CMIP: variants seen among roughly 807,000 people sequenced by gnomAD.
CMIP encodes c-Maf inducing protein.
Under a neutral mutation model 97.3 loss-of-function variants are expected in CMIP, and 13 were observed. The ratio of observed to expected loss-of-function variants is 0.13; its 90% CI spans 0.09 to 0.21. The LOEUF is 0.21. CMIP is among the 10% of genes least tolerant of loss of function. The pLI is 1.00. For synonymous variants in CMIP, 538 were observed against 436.3 expected (o/e 1.23, Z -2.91); for missense variants, 847 against 1,024.9 (o/e 0.83, Z 2.37).
At chr16:81,450,341 TC>T (rs1355390876) in intron 1 of CMIP, among the ~76,000 whole-genome samples, 1 of 152,194 alleles carries the variant, frequency 6.6e-6, no homozygotes, top group Non-Finnish European at 1.5e-5. Context: ...GGTTTTGCGT[TC>T]TCATGGCGCT....
intron 1 of CMIP, among the ~76,000 whole-genome samples, chr16:81,600,706 G>T (rs2150932448): frequency 6.6e-6 from 1 of 152,302 alleles, no homozygotes; most frequent in East Asian, 1.9e-4. Context: ...CCCGTGAATT[G>T]TACATCTTAA....
At chr16:81,594,004 T>C (rs1597126085) in intron 1 of CMIP, among the ~76,000 whole-genome samples, 1 of 48,958 alleles carries the variant, frequency 2.0e-5, no homozygotes, top group African/African-American at 8.8e-5. Flanking sequence ...TCCCCCTCTT[T>C]CCTCCTCTTC....
intron 16 of CMIP, 137 bp downstream of exon 16, chr16:81,701,937 T>G: frequency 9.8e-7 from 1 of 1,016,630 alleles, no homozygotes; most frequent in Non-Finnish European, 1.4e-6. Context: ...CAGAAATTGG[T>G]ATTACCACCT....
At chr16:81,667,799 A>AGAGAGAGAGTGT in intron 7 of CMIP, among the ~76,000 whole-genome samples, 70 of 58,134 alleles carry the variant, frequency 1.2e-3, no homozygotes, top group Middle Eastern at 0.012. Context: ...AGAGAGAGAG[A>AGAGAGAGAGTGT]GTGTGTGTGT....
chr16:81,704,092 C>A lies in CMIP; in HGVS notation c.2091+7C>A. The A allele has an allele frequency of 6.2e-7, 1 of 1,600,730 alleles. No homozygotes were observed. Among genetic ancestry groups the A allele is most frequent in the Non-Finnish European group, 8.5e-7 (1 of 1,175,270 alleles). The stretch of plus-strand genomic sequence containing the variant: ...GAACCTGTGGTCCACTCAGGTACGT[C>A]CTCCCGCCCTGCTGCAGTCCCCCAC... On this transcript the variant is annotated splice_region_variant and intron_variant, in intron 18 of 20. Transcript: ENST00000537098.
intron 1 of CMIP, among the ~76,000 whole-genome samples, chr16:81,526,321 C>A (rs1021027441): frequency 1.3e-5 from 2 of 152,196 alleles, no homozygotes. Flanking sequence ...CAACCTGTAA[C>A]TGAAATTTAG....
chr16:81,645,307 G>A lies in CMIP; in HGVS notation c.478-6896G>A, dbSNP rs563430207. The A allele has an allele frequency of 2.1e-5, 26 of 1,225,402 alleles. No individual in the cohort carries two copies. The African/African-American group carries it at 2.3e-4, about 11-fold the overall frequency. 75.9% of individuals were successfully genotyped at this position (1,225,402 alleles called of 1,614,324 possible). A position where few individuals can be genotyped will look rare whatever the true frequency, so the allele number is the denominator to read the frequency against. ...ACTCTGCAGTGCCATGGGCGCGCCCGTGCAGCGTCCTCTCTTCACGACAGG... is the reference window on the plus strand; with the variant it reads ...ACTCTGCAGTGCCATGGGCGCGCCCATGCAGCGTCCTCTCTTCACGACAGG... On this transcript the variant is annotated intron_variant, in intron 3 of 20. Transcript: ENST00000537098.
At chr16:81,689,856 T>G (rs1905851093) in intron 10 of CMIP, among the ~76,000 whole-genome samples, 1 of 152,250 alleles carries the variant, frequency 6.6e-6, no homozygotes, top group African/African-American at 2.4e-5. Context: ...GGGATCCAGT[T>G]TCAGCTTTCT....
intron 1 of CMIP, among the ~76,000 whole-genome samples, chr16:81,530,588 G>A (rs774679992): frequency 6.6e-6 from 1 of 152,046 alleles, no homozygotes; most frequent in Non-Finnish European, 1.5e-5. Flanking sequence ...AAAAGCCTGC[G>A]CCTTTATTCA....
At chr16:81,543,373 C>A (rs778088908) in intron 1 of CMIP, among the ~76,000 whole-genome samples, 1 of 152,144 alleles carries the variant, frequency 6.6e-6, no homozygotes, top group Non-Finnish European at 1.5e-5. Context: ...ACAATCATAC[C>A]CACCCCTGTA....
intron 1 of CMIP, among the ~76,000 whole-genome samples, chr16:81,485,626 T>C (rs972311940): frequency 3.3e-5 from 5 of 152,246 alleles, no homozygotes; most frequent in Non-Finnish European, 7.3e-5. Flanking sequence ...TTTAGCTGTA[T>C]GTTTACGCAG....
chr16:81,545,615 A>G (rs930745637), intron 1 of CMIP, among the ~76,000 whole-genome samples: 3 of 152,156 alleles, frequency 2.0e-5, no homozygotes, highest in Non-Finnish European at 2.9e-5. Context: ...CTTGGTCCAG[A>G]CCACACAGCA....
rs1297433373 is a variant in CMIP, at chr16:81,709,949, G to T, written c.*150G>T. 1.7e-6 allele frequency: 1 copy of T among 603,888 alleles called. No individual in the cohort carries two copies. The highest frequency in any genetic ancestry group is 3.0e-6 in the Non-Finnish European group (1 of 337,832). 37.4% of individuals were successfully genotyped at this position (603,888 alleles called of 1,614,324 possible). A position where few individuals can be genotyped will look rare whatever the true frequency, so the allele number is the denominator to read the frequency against. On this transcript the variant is annotated 3_prime_UTR_variant, in exon 21 of 21. Transcript: ENST00000537098. ...TTTCTGGGGGCGGAGGGGGGAGGGG[G>T]TGGGGAGGGGGCCCACAAGCACGCC... is the stretch of plus-strand genomic sequence containing the variant.
chr16:81,696,774 C>T (rs1906775714), intron 14 of CMIP, 107 bp downstream of exon 14: 2 of 1,033,258 alleles, frequency 1.9e-6, no homozygotes, highest in African/African-American at 1.6e-5. Flanking sequence ...CCCGGAGTTT[C>T]CCGGCTAACA....
chr16:81,603,192 T>A (rs1317294431), intron 1 of CMIP, among the ~76,000 whole-genome samples: 4 of 152,026 alleles, frequency 2.6e-5, no homozygotes, highest in South Asian at 2.1e-4. Context: ...CCATTCTCCT[T>A]CCTCAGCCTC....
At chr16:81,477,487 C>T (rs1907999291) in intron 1 of CMIP, among the ~76,000 whole-genome samples, 1 of 152,192 alleles carries the variant, frequency 6.6e-6, no homozygotes, top group Non-Finnish European at 1.5e-5. Context: ...AGATACAGGG[C>T]AGGGTATGGA....
Position 81,621,136 on chromosome 16 carries a change from G to A in CMIP, c.477+210G>A, listed in dbSNP as rs1043442070. On this transcript the variant is annotated intron_variant, in intron 3 of 20. Coordinates refer to ENST00000537098, the MANE Select transcript of CMIP (RefSeq NM_198390.3). The surrounding 1 kb of genome is among the most constrained non-coding windows in gnomAD (Gnocchi z 4.1). ...CCTGCAGTGCTGAAATAGCATTCTCGCCCTGGTGTTCTCAAACCCTATAGC... is the reference window on the plus strand; with the variant it reads ...CCTGCAGTGCTGAAATAGCATTCTCACCCTGGTGTTCTCAAACCCTATAGC... 6.2e-5 allele frequency: 34 copies of A among 549,988 alleles called. No individual in the cohort carries two copies. The highest frequency in any genetic ancestry group is 2.3e-4 in the African/African-American group (12 of 52,554). The allele number at this position is 549,988 out of a possible 1,614,324, so 34.1% of individuals were successfully genotyped here. A position where few individuals can be genotyped will look rare whatever the true frequency, so the allele number is the denominator to read the frequency against.
At chr16:81,577,278 C>A (rs111171277) in intron 1 of CMIP, among the ~76,000 whole-genome samples, 1 of 134,976 alleles carries the variant, frequency 7.4e-6, no homozygotes, top group Non-Finnish European at 1.5e-5. Flanking sequence ...CCACCATCAT[C>A]ACCATCACCT....
intron 3 of CMIP, among the ~76,000 whole-genome samples, chr16:81,639,374 T>A (rs189025097): frequency 6.6e-6 from 1 of 152,096 alleles, no homozygotes; most frequent in African/African-American, 2.4e-5. Context: ...TCTCCAGAAC[T>A]TTCTCCTCTT....
Sources: gnomAD v4.1 joint callset for allele counts (sites outside exome capture counted in the v4.1 genomes callset) on GRCh38, gnomAD v4.1.1 for gene constraint, Gnocchi (gnomAD v3.1) non-coding constraint, MANE v1.5 for transcripts, NCBI Gene and HGNC (gene_info 2026-07-23, HGNC 2026-07-21) for gene names.